Variants in TWIST2 observed in about 807,000 individuals in gnomAD.
TWIST2 encodes twist-related protein 2.
In TWIST2, 1 loss-of-function variant was observed where a neutral mutation model predicts 11.6. That is an observed-to-expected ratio of 0.09 (90% confidence interval 0.03 to 0.41). TWIST2 has a LOEUF of 0.41. Ranked by LOEUF, TWIST2 falls within the 10% of genes least tolerant of loss-of-function variation. The probability of loss-of-function intolerance (pLI) is 0.98; values close to 1 mark genes in which losing one functional copy is unlikely to be tolerated. For missense variants in TWIST2, 168 were observed against 226.4 expected (o/e 0.74, Z 1.66); for synonymous variants, 87 against 96.6 (o/e 0.90, Z 0.58).
At chr2:238,857,730 A>T (rs1455376474) in intron 1 of TWIST2, among the ~76,000 whole-genome samples, 1 of 152,120 alleles carries the variant, frequency 6.6e-6, no homozygotes, top group Non-Finnish European at 1.5e-5. Context: ...TGAGGCCAGG[A>T]GTTCGAGACC....
At chr2:238,903,316 AGT>A (rs1329447254) in intron 1 of TWIST2, among the ~76,000 whole-genome samples, 5 of 131,784 alleles carry the variant, frequency 3.8e-5, no homozygotes, top group Non-Finnish European at 8.0e-5. Flanking sequence ...TGTGTGATAT[AGT>A]GTGTGTGATG....
intron 1 of TWIST2, among the ~76,000 whole-genome samples, chr2:238,888,620 T>C (rs1014249120): frequency 6.6e-6 from 1 of 152,198 alleles, no homozygotes; most frequent in African/African-American, 2.4e-5. Context: ...AAATGGCCAT[T>C]TAAGGGAAGG....
rs376919721 is a variant in TWIST2 at position 238,855,138 on chromosome 2, C to T, written c.*35+6405C>T. On this transcript the variant is annotated intron_variant, in intron 1 of 1. Transcript: ENST00000612363. Reference sequence around the variant, plus strand: ...CCTGCAGGGTTGGCAAAACCTATACCGACTGGGTCCCTTCCGGAAAGTTTG... The same window carrying T: ...CCTGCAGGGTTGGCAAAACCTATACTGACTGGGTCCCTTCCGGAAAGTTTG... 1.1e-4 allele frequency among the ~76,000 whole-genome samples: 17 copies of T among 152,174 alleles called. No homozygotes were observed. In the East Asian group the frequency reaches 1.5e-3, roughly 14 times the overall value.
At position 238,848,321 on chromosome 2, in the gene TWIST2, A is replaced by G; in HGVS notation, c.106A>G (p.Ser36Gly). The change falls in exon 1 of 2, where the codon AGC (serine) becomes GGC (glycine). Residue 36 changes from serine (S) to glycine (G), a missense_variant. Ser to Gly is a moderately conservative substitution (Grantham distance 56). Coordinates refer to ENST00000612363, the MANE Select transcript of TWIST2 (RefSeq NM_001271893.4). Reference sequence around the variant, plus strand: ...GCGCTTCGGCCGGAAGCGGCGCTACAGCAAGAAGTCGAGCGAAGATGGCAG... The same window carrying G: ...GCGCTTCGGCCGGAAGCGGCGCTACGGCAAGAAGTCGAGCGAAGATGGCAG... ...PKRFGRKRRY[S>G]KKSSEDGSPT... The G allele has an allele frequency of 6.5e-7, 1 of 1,534,458 alleles. No individual in the cohort carries two copies. Among genetic ancestry groups the G allele is most frequent in the Non-Finnish European group, 8.7e-7 (1 of 1,145,996 alleles).
intron 1 of TWIST2, among the ~76,000 whole-genome samples, chr2:238,902,269 G>T (rs1693276493): frequency 2.6e-5 from 4 of 151,450 alleles, no homozygotes; most frequent in Non-Finnish European, 5.9e-5. Context: ...ATGAATTGGG[G>T]TGTGTGTGAT....
At chr2:238,854,742 G>A (rs1692299577) in intron 1 of TWIST2, among the ~76,000 whole-genome samples, 1 of 152,192 alleles carries the variant, frequency 6.6e-6, no homozygotes, top group Non-Finnish European at 1.5e-5. Context: ...GCCCGCTTCC[G>A]AGGCAGGGGC....
intron 1 of TWIST2, chr2:238,887,318 G>A (rs2106367882): frequency 6.6e-6 from 1 of 152,206 alleles, no homozygotes; most frequent in Non-Finnish European, 1.5e-5. Context: ...GGTCAGTTAA[G>A]CTTTTTCATG....
chr2:238,893,990 C>T (rs890191485), intron 1 of TWIST2, among the ~76,000 whole-genome samples: 131 of 152,228 alleles, frequency 8.6e-4, no homozygotes, highest in Non-Finnish European at 1.4e-3. Flanking sequence ...TCCTTCCCAG[C>T]CTCTCCCTCC....
chr2:238,904,396 G>T (rs1369206973), intron 1 of TWIST2, among the ~76,000 whole-genome samples: 2 of 114,526 alleles, frequency 1.7e-5, no homozygotes, highest in Non-Finnish European at 3.8e-5. Flanking sequence ...GTGATGTAAG[G>T]TGTGTGTCTA....
At chr2:238,905,867 G>A (rs1373452244) in intron 1 of TWIST2, among the ~76,000 whole-genome samples, 11 of 149,638 alleles carry the variant, frequency 7.4e-5, no homozygotes, top group East Asian at 2.0e-4. Context: ...GTGTGTGTGC[G>A]TGCGTGTGTG....
At chr2:238,874,687 C>T (rs1461444534) in intron 1 of TWIST2, among the ~76,000 whole-genome samples, 1 of 152,182 alleles carries the variant, frequency 6.6e-6, no homozygotes, top group African/African-American at 2.4e-5. Flanking sequence ...AATCTTGGTA[C>T]TTTGCTTGTT....
intron 1 of TWIST2, among the ~76,000 whole-genome samples, chr2:238,857,276 ACGGGCCTTG>A (rs1464959998): frequency 6.6e-6 from 1 of 152,172 alleles, no homozygotes; most frequent in East Asian, 1.9e-4. Context: ...CTGAGGCTGG[ACGGGCCTTG>A]GAGCCCATCT....
At position 238,904,751 on chromosome 2, in the gene TWIST2, A is replaced by T. The variant is rs953919789; in HGVS notation, c.*36-5091A>T. ...CATTCTTGGCACATGATAGATGCTC[A>T]ATTATGTCGCAGGAATGGAAGGAAG... On this transcript the variant is annotated intron_variant, in intron 1 of 1. Transcript: ENST00000612363. Among the ~76,000 whole-genome samples, 141 of 152,160 alleles carry T rather than the reference A, an allele frequency of 9.3e-4. 1 individual carries two copies. The highest frequency in any genetic ancestry group is 3.4e-3 in the Middle Eastern group (1 of 294).
chr2:238,871,395 A>C, intron 1 of TWIST2, among the ~76,000 whole-genome samples: 1 of 62,364 alleles, frequency 1.6e-5, no homozygotes, highest in Admixed American at 1.7e-4. Context: ...CCCCATGCAC[A>C]CACCACACAC....
rs571301811 is a variant in TWIST2 at position 238,869,730 on chromosome 2, G to A, written c.*35+20997G>A. 2.0e-5 allele frequency among the ~76,000 whole-genome samples: 3 copies of A among 152,288 alleles called. No individual in the cohort carries two copies. The East Asian group carries it at 5.8e-4, about 29-fold the overall frequency. ...AGGCTGAGGCGGGAGGATTGCTTGA[G>A]GCCAAGAGTTTGAGGCCAACCTGGG... On this transcript the variant is annotated intron_variant, in intron 1 of 1. Coordinates refer to ENST00000612363, the MANE Select transcript of TWIST2 (RefSeq NM_001271893.4).
chr2:238,874,519 A>T (rs916939167), intron 1 of TWIST2, among the ~76,000 whole-genome samples: 15 of 152,118 alleles, frequency 9.9e-5, no homozygotes, highest in East Asian at 1.9e-4. Context: ...TTTCGAAATG[A>T]TGTGTATCCT....
In TWIST2 at chr2:238,848,728, G is replaced by A; in HGVS notation, c.*30G>A. ...GCGCCACCCACCTCCGGACCGGCGCGCCAGGGTAGGTGCTGCGCGCGCGAC... is the reference window on the plus strand; with the variant it reads ...GCGCCACCCACCTCCGGACCGGCGCACCAGGGTAGGTGCTGCGCGCGCGAC... On this transcript the variant is annotated 3_prime_UTR_variant, in exon 1 of 2. Transcript: ENST00000612363. 1.4e-6 allele frequency: 2 copies of A among 1,464,892 alleles called. No homozygotes were observed. Among genetic ancestry groups the A allele is most frequent in the South Asian group, 1.4e-5 (1 of 72,754 alleles). The allele number at this position is 1,464,892 out of a possible 1,614,324, so 90.7% of individuals were successfully genotyped here.
intron 1 of TWIST2, among the ~76,000 whole-genome samples, chr2:238,904,358 TGTGAG>T (rs1455971651): frequency 8.4e-6 from 1 of 119,710 alleles, no homozygotes; most frequent in Non-Finnish European, 1.8e-5. Context: ...GTGTGTGTGA[TGTGAG>T]GTATGTTTGA....
chr2:238,849,175 T>G (rs1303807322), intron 1 of TWIST2, among the ~76,000 whole-genome samples: 1 of 152,134 alleles, frequency 6.6e-6, no homozygotes, highest in Non-Finnish European at 1.5e-5. Flanking sequence ...GAGCCGGGTG[T>G]TGCCGGGCGA....
Sources: allele counts gnomAD v4.1 joint callset (sites outside exome capture counted in the v4.1 genomes callset), GRCh38; gene constraint gnomAD v4.1.1; transcripts MANE v1.5; gene names NCBI Gene and HGNC (gene_info 2026-07-23, HGNC 2026-07-21).